MRPL11: variants seen among roughly 807,000 people sequenced by gnomAD.
MRPL11 encodes the protein mitochondrial ribosomal protein L11.
A neutral mutation model predicts 19.1 loss-of-function variants in MRPL11; 21 were observed. The observed-to-expected ratio is 1.10, with a 90% CI of 0.78 to 1.58. MRPL11 has a LOEUF of 1.58. Ranked by LOEUF, MRPL11 falls within the 40% of genes most tolerant of loss-of-function variation. The pLI is 0.00. For missense variants in MRPL11, 242 were observed against 243.9 expected, an observed-to-expected ratio of 0.99 and a Z score of 0.05; for synonymous variants, 108 against 99.7, an observed-to-expected ratio of 1.08 and a Z score of -0.49.
In MRPL11 at chr11:66,435,917, C is replaced by G; in HGVS notation, c.*90G>C. 1 of 884,714 alleles carries G rather than the reference C, an allele frequency of 1.1e-6. No individual in the cohort carries two copies. 54.8% of individuals were successfully genotyped at this position (884,714 alleles called of 1,614,324 possible). Reference sequence around the variant, plus strand: ...ATATATCATTCAAAGTCATGAAAACCATCATCATATTGGTGTGACCTCCTT... The same window carrying G: ...ATATATCATTCAAAGTCATGAAAACGATCATCATATTGGTGTGACCTCCTT... On this transcript the variant is annotated 3_prime_UTR_variant, in exon 5 of 5. Transcript: ENST00000310999.
Position 66,437,376 on chromosome 11 carries a change from C to G in MRPL11, c.287G>C (p.Gly96Ala), listed in dbSNP as rs757630650. ...TGTTTGCCGGGCCCCCTTTTCAATC[C>G]CAGCTGCTGCCTTCAGGAAGTAGGA... ...TVSYFLKAAA[G>A]IEKGARQTGK... Residue 96 changes from glycine to alanine, a missense_variant, in exon 3 of 5, where the codon GGG becomes GCG. Gly to Ala is a moderately conservative substitution (Grantham distance 60, BLOSUM62 0). Transcript: ENST00000310999. 4.0e-5 allele frequency: 64 copies of G among 1,614,092 alleles called. No individual in the cohort carries two copies. The highest frequency in any genetic ancestry group is 5.0e-5 in the Non-Finnish European group (59 of 1,180,048).
intron 2 of MRPL11, 21 bp downstream of exon 2, chr11:66,438,143 G>A (rs1233198218): frequency 1.3e-6 from 2 of 1,557,426 alleles, no homozygotes; most frequent in East Asian, 2.2e-5. Flanking sequence ...AGGAAACCAG[G>A]GATCAGAGTC....
Position 66,437,371 on chromosome 11 carries a change from C to A in MRPL11, c.292G>T (p.Glu98Ter), listed in dbSNP as rs1857003065. Reference sequence around the variant, plus strand: ...TCACCTGTTTGCCGGGCCCCCTTTTCAATCCCAGCTGCTGCCTTCAGGAAG... The same window carrying A: ...TCACCTGTTTGCCGGGCCCCCTTTTAAATCCCAGCTGCTGCCTTCAGGAAG... Reference protein sequence around the residue: ...SYFLKAAAGIEKGARQTGKEV... With the variant: ...SYFLKAAAGI The change falls in exon 3 of 5, where the codon GAA (glutamate) becomes TAA (stop). Residue 98 changes from glutamate to a stop codon, truncating the protein, a stop_gained. Coordinates refer to ENST00000310999, the MANE Select transcript of MRPL11 (RefSeq NM_016050.5). LOFTEE classifies it high-confidence loss of function. 2 of 1,614,206 alleles carry A rather than the reference C, an allele frequency of 1.2e-6. No homozygotes were observed. The highest frequency in any genetic ancestry group is 1.7e-6 in the Non-Finnish European group (2 of 1,180,028).
In MRPL11 at chr11:66,435,865, T is replaced by A. The variant is rs1856954976; in HGVS notation, c.*142A>T. 1.6e-6 allele frequency: 1 copy of A among 643,370 alleles called. No homozygotes were observed. The highest frequency in any genetic ancestry group is 2.4e-5 in the Admixed American group (1 of 41,792). 39.9% of individuals were successfully genotyped at this position (643,370 alleles called of 1,614,324 possible). A position where few individuals can be genotyped will look rare whatever the true frequency, so the allele number is the denominator to read the frequency against. On this transcript the variant is annotated 3_prime_UTR_variant, in exon 5 of 5. Transcript: ENST00000310999. ...AGAAAGGATGTTTATTCAGGCCTGA[T>A]GCCTCGATACAGCTAGATGTACAAA...
In MRPL11 at chr11:66,438,710, C is replaced by A. The variant is rs1262431449; in HGVS notation, c.45G>T (p.Glu15Asp). 6.3e-7 allele frequency: 1 copy of A among 1,584,462 alleles called. No homozygotes were observed. The highest frequency in any genetic ancestry group is 8.6e-7 in the Non-Finnish European group (1 of 1,163,772). The change falls in exon 1 of 5, where the codon GAG becomes GAT. Residue 15 changes from glutamate to aspartate, a missense_variant. Transcript: ENST00000310999. ...CGATCGCCCGGATCACACCGCCGAC[C>A]TCGGGCTTCCTGAGGCCCCGGGCGG... ...GRAARGLRKP[E>D]VGGVIRAIVR...
chr11:66,438,046 G>C (rs1857022162), intron 2 of MRPL11, 118 bp downstream of exon 2: 1 of 716,408 alleles, frequency 1.4e-6, no homozygotes, highest in East Asian at 2.6e-5. Context: ...AATGGGGAAA[G>C]TGGAGCCCAG....
At chr11:66,436,884 T>C in intron 4 of MRPL11, 2 of 1,614,202 alleles carry the variant, frequency 1.2e-6, no homozygotes, top group Non-Finnish European at 1.7e-6. Flanking sequence ...ATCTTTCCAT[T>C]TCTTAGAACA....
chr11:66,438,604 C>G (rs1268878823), intron 1 of MRPL11, 28 bp downstream of exon 1: 2 of 1,488,890 alleles, frequency 1.3e-6, no homozygotes, highest in African/African-American at 1.4e-5. Flanking sequence ...TAGACAACCC[C>G]CACGTCGGGT....
rs1057330847 is a variant in MRPL11, at chr11:66,438,205, T to C, written c.178A>G (p.Ile60Val). The C allele has an allele frequency of 6.2e-7, 1 of 1,614,130 alleles. No individual in the cohort carries two copies. Among genetic ancestry groups the C allele is most frequent in the Admixed American group, 1.7e-5 (1 of 60,030 alleles). ...GTAGGCAGAGGAATGCCTTCCTTGA[T>C]GTCCTTTGTCCTCTCATTGAACTCC... The part of the protein sequence containing the change: ...CKEFNERTKD[I>V]KEGIPLPTKI... Residue 60 changes from isoleucine (I) to valine (V), a missense_variant, in exon 2 of 5, where the codon ATC becomes GTC. Physicochemically the swap from Ile to Val is conservative, Grantham distance 29. Coordinates refer to ENST00000310999, the MANE Select transcript of MRPL11 (RefSeq NM_016050.5).
At chr11:66,437,290 C>T in intron 3 of MRPL11, 27 bp from the exon 4 acceptor site, 5 of 1,614,180 alleles carry the variant, frequency 3.1e-6, no homozygotes, top group Non-Finnish European at 4.2e-6. Flanking sequence ...AGTGGCTCTT[C>T]AGGTGTTACT....
intron 1 of MRPL11, 135 bp from the exon 2 acceptor site, chr11:66,438,394 T>G (rs1246633479): frequency 1.1e-6 from 1 of 892,726 alleles, no homozygotes. Flanking sequence ...TACCCCTCCG[T>G]GAGCCAGAAG....
At position 66,436,048 on chromosome 11, in the gene MRPL11, C is replaced by A; in HGVS notation, c.538G>T (p.Glu180Ter). ...TCTTCTTGGGCAGCCAAATCTGCCT[C>A]CTTCTGAGCAGCCAGGAAGATGGCT... ...ERAIFLAAQK[E>*]ADLAAQEEAA... Residue 180 changes from glutamate (E) to a stop codon, truncating the protein, a stop_gained, in exon 5 of 5, where the codon GAG becomes TAG. Coordinates refer to ENST00000310999, the MANE Select transcript of MRPL11 (RefSeq NM_016050.5). LOFTEE classifies it high-confidence loss of function. 1 of 1,614,052 alleles carries A rather than the reference C, an allele frequency of 6.2e-7. No individual in the cohort carries two copies. Among genetic ancestry groups the A allele is most frequent in the Non-Finnish European group, 8.5e-7 (1 of 1,179,990 alleles).
At chr11:66,438,038 T>A in intron 2 of MRPL11, 126 bp downstream of exon 2, 1 of 683,266 alleles carries the variant, frequency 1.5e-6, no homozygotes, top group Non-Finnish European at 2.6e-6. Flanking sequence ...TAGTCCTAAA[T>A]GGGGAAAGTG....
intron 1 of MRPL11, 36 bp downstream of exon 1, chr11:66,438,596 G>A (rs1442923384): frequency 1.7e-5 from 26 of 1,490,074 alleles, no homozygotes; most frequent in Non-Finnish European, 2.3e-5. Flanking sequence ...CACCATCCTA[G>A]ACAACCCCCA....
chr11:66,437,276 A>G lies in MRPL11; in HGVS notation c.314-13T>C, dbSNP rs1002111114. The G allele has an allele frequency of 1.2e-6, 2 of 1,614,120 alleles. No homozygotes were observed. Among genetic ancestry groups the G allele is most frequent in the Admixed American group, 3.3e-5 (2 of 60,026 alleles). On this transcript the variant is annotated splice_polypyrimidine_tract_variant and intron_variant, in intron 3 of 4. Transcript: ENST00000310999. The stretch of plus-strand genomic sequence containing the variant: ...GCCACCTCTTTCCCTGGGAGGAAGG[A>G]ACAAGTGGCTCTTCAGGTGTTACTG...
intron 4 of MRPL11, chr11:66,436,767 C>T: frequency 7.7e-6 from 11 of 1,425,370 alleles, no homozygotes; most frequent in Non-Finnish European, 1.1e-5. Context: ...CCTGACACAG[C>T]TCAAAAGTCC....
Position 66,437,437 on chromosome 11 carries a change from T to C in MRPL11, c.226A>G (p.Arg76Gly). Residue 76 changes from arginine (R) to glycine (G), a missense_variant, in exon 3 of 5, where the codon AGG becomes GGG. Transcript: ENST00000310999. The part of the protein sequence containing the change: ...LPTKILVKPD[R>G]TFEIKIGQPT... Reference sequence around the variant, plus strand: ...TGTCCAATCTTAATTTCAAATGTCCTGTCAGGCTTAACAGAAAAAAGAAAT... The same window carrying C: ...TGTCCAATCTTAATTTCAAATGTCCCGTCAGGCTTAACAGAAAAAAGAAAT... 2 of 1,614,162 alleles carry C rather than the reference T, an allele frequency of 1.2e-6. No individual in the cohort carries two copies. Among genetic ancestry groups the C allele is most frequent in the Non-Finnish European group, 1.7e-6 (2 of 1,179,984 alleles).
chr11:66,438,634 G>A lies in MRPL11; in HGVS notation c.121C>T (p.Gln41Ter). ...TCGGGTTCCCGCCACGGCCGCACCT[G>A]ACCCAGCACTGGGCCTAGTGGGGGC... Reference protein sequence around the residue: ...PGPPLGPVLGQRGVSINQFCK... With the variant: ...PGPPLGPVLG The change falls in exon 1 of 5, where the codon CAG becomes TAG. Residue 41 changes from glutamine (Q) to a stop codon, truncating the protein, a stop_gained and splice_region_variant. Coordinates refer to ENST00000310999, the MANE Select transcript of MRPL11 (RefSeq NM_016050.5). LOFTEE classifies it high-confidence loss of function. 6.6e-7 allele frequency: 1 copy of A among 1,521,420 alleles called. No individual in the cohort carries two copies. 94.2% of individuals were successfully genotyped at this position (1,521,420 alleles called of 1,614,324 possible).
rs193127284 is a variant in MRPL11 at position 66,435,991 on chromosome 11, G to A, written c.*16C>T. On this transcript the variant is annotated 3_prime_UTR_variant, in exon 5 of 5. Coordinates refer to ENST00000310999, the MANE Select transcript of MRPL11 (RefSeq NM_016050.5). ...CAACTACCTCCTTTGAAATCTGGGA[G>A]TTGGTGGGGCAAGGGTCACTTCTTG... is the stretch of plus-strand genomic sequence containing the variant. 20 of 1,602,426 alleles carry A rather than the reference G, an allele frequency of 1.2e-5. No individual in the cohort carries two copies. The Admixed American group carries it at 2.3e-4, about 19-fold the overall frequency.
Sources: allele counts gnomAD v4.1 joint callset, GRCh38; gene constraint gnomAD v4.1.1; transcripts MANE v1.5; gene names NCBI Gene and HGNC (gene_info 2026-07-23, HGNC 2026-07-21).